Variants in CPLANE1 observed in about 807,000 individuals in gnomAD.
The protein encoded by CPLANE1 is ciliogenesis and planar polarity effector 1.
A neutral mutation model predicts 362.5 loss-of-function variants in CPLANE1; 263 were observed. The observed-to-expected ratio is 0.73, with a 90% CI of 0.66 to 0.80. CPLANE1 has a LOEUF of 0.80. Among genes scored for constraint, CPLANE1 ranks in the 30% least tolerant of loss-of-function variants. The pLI, the probability that CPLANE1 is intolerant of heterozygous loss-of-function variation, is 0.00. For missense variants in CPLANE1, 3,461 were observed against 3,793.4 expected, an observed-to-expected ratio of 0.91 and a Z score of 2.30; for synonymous variants, 1,212 against 1,302.6, an observed-to-expected ratio of 0.93 and a Z score of 1.50.
chr5:37,092,958 T>G, the CPLANE1 span, among the ~76,000 whole-genome samples: 1 of 152,286 alleles, frequency 6.6e-6, no homozygotes, highest in East Asian at 1.9e-4. Context: ...TTACAATATA[T>G]CTGATCTAAA....
the CPLANE1 span, among the ~76,000 whole-genome samples, chr5:37,081,922 C>T: frequency 1.3e-5 from 2 of 151,976 alleles, no homozygotes; most frequent in African/African-American, 2.4e-5. Flanking sequence ...AGGTGGATCA[C>T]CTGAGGTCTG....
intron 44 of CPLANE1, 50 bp from the exon 45 acceptor site, chr5:37,139,420 CAATT>C (rs1236284665): frequency 2.7e-6 from 3 of 1,114,160 alleles, no homozygotes; most frequent in Non-Finnish European, 3.7e-6. Flanking sequence ...TTTTTGCTTT[CAATT>C]GTTAATCTAA....
intron 42 of CPLANE1, among the ~76,000 whole-genome samples, chr5:37,151,627 T>C (rs1773590589): frequency 6.6e-6 from 1 of 152,228 alleles, no homozygotes; most frequent in South Asian, 2.1e-4. Context: ...TATCTGGCTG[T>C]AGATAATGAC....
At chr5:37,222,694 C>T (rs140639224) in intron 14 of CPLANE1, among the ~76,000 whole-genome samples, 1 of 152,334 alleles carries the variant, frequency 6.6e-6, no homozygotes, top group Non-Finnish European at 1.5e-5. Context: ...CTGCTCTTTT[C>T]ATCCAGATGG....
chr5:37,105,462 G>T (rs563387931), downstream of CPLANE1, among the ~76,000 whole-genome samples: 4 of 152,296 alleles, frequency 2.6e-5, no homozygotes, highest in Admixed American at 1.3e-4. Flanking sequence ...AAGAAAACTA[G>T]ATGTCTATTG....
chr5:37,149,424 C>T (rs1405353460), intron 42 of CPLANE1, among the ~76,000 whole-genome samples: 1 of 152,108 alleles, frequency 6.6e-6, no homozygotes, highest in Non-Finnish European at 1.5e-5. Flanking sequence ...ACGTATTGTT[C>T]AGGAATGACA....
At chr5:37,188,930 G>T (rs1205646610) in intron 21 of CPLANE1, among the ~76,000 whole-genome samples, 1 of 151,930 alleles carries the variant, frequency 6.6e-6, no homozygotes, top group East Asian at 1.9e-4. Flanking sequence ...TGCGATCTTG[G>T]CCTCCACCTC....
rs558442221 is a variant in CPLANE1, at chr5:37,185,394, T to C, written c.4190-315A>G. Among the ~76,000 whole-genome samples, 5 of 152,198 alleles carry C rather than the reference T, an allele frequency of 3.3e-5. No individual in the cohort carries two copies. In the East Asian group the frequency reaches 7.7e-4, roughly 23 times the overall value. On this transcript the variant is annotated intron_variant, in intron 24 of 52. Coordinates refer to ENST00000651892, the MANE Select transcript of CPLANE1 (RefSeq NM_001384732.1). ...GTTTTAAAACTCAGAAGGATAATTATATTTAATAAAAAGAATAATGAATGT... is the reference window on the plus strand; with the variant it reads ...GTTTTAAAACTCAGAAGGATAATTACATTTAATAAAAAGAATAATGAATGT...
the CPLANE1 span, chr5:37,085,317 G>A: frequency 8.2e-7 from 1 of 1,217,328 alleles, no homozygotes; most frequent in South Asian, 1.2e-5. Flanking sequence ...ATTCATGGAT[G>A]TCATCAGCAT....
At chr5:37,087,566 C>G in the CPLANE1 span, among the ~76,000 whole-genome samples, 8 of 152,222 alleles carry the variant, frequency 5.3e-5, no homozygotes, top group African/African-American at 1.9e-4. Flanking sequence ...AAACCATTCT[C>G]CTGCCTCAGC....
intron 44 of CPLANE1, chr5:37,139,927 C>T: frequency 1.0e-6 from 1 of 985,290 alleles, no homozygotes; most frequent in Non-Finnish European, 1.2e-6. Context: ...TTGCTTAGTA[C>T]ACAGTTTAGA....
At chr5:37,199,805 C>A (rs941404508) in intron 19 of CPLANE1, among the ~76,000 whole-genome samples, 1 of 152,178 alleles carries the variant, frequency 6.6e-6, no homozygotes, top group African/African-American at 2.4e-5. Context: ...GCTCATCCCA[C>A]CTCAAGGAAG....
Position 37,170,219 on chromosome 5 carries a change from C to A in CPLANE1, c.6284G>T (p.Ser2095Ile), listed in dbSNP as rs1779393325. The change falls in exon 33 of 53, where the codon AGC (serine) becomes ATC (isoleucine). Residue 2095 changes from serine to isoleucine, a missense_variant. This residue lies in a region of CPLANE1 where 3,380 missense variants were observed against 3,666.1 expected (regional missense o/e 0.92). Transcript: ENST00000651892. ...ACATCCTCTTAGGTTTGATTCTTGGCTTTCCCCTAAATGCACAGACTGAGA... is the reference window on the plus strand; with the variant it reads ...ACATCCTCTTAGGTTTGATTCTTGGATTTCCCCTAAATGCACAGACTGAGA... ...QQSQSVHLGESQESNLRGCGD... is the reference protein window; with the variant it reads ...QQSQSVHLGEIQESNLRGCGD... 1.2e-6 allele frequency: 2 copies of A among 1,614,042 alleles called. No homozygotes were observed. Among genetic ancestry groups the A allele is most frequent in the African/African-American group, 1.3e-5 (1 of 74,914 alleles).
At chr5:37,235,958 C>T (rs576046246) in intron 8 of CPLANE1, among the ~76,000 whole-genome samples, 6 of 151,558 alleles carry the variant, frequency 4.0e-5, no homozygotes, top group Admixed American at 1.3e-4. Context: ...CAACCTCCAC[C>T]GCCAGGGTTC....
At chr5:37,077,146 C>T in the CPLANE1 span, among the ~76,000 whole-genome samples, 4 of 151,944 alleles carry the variant, frequency 2.6e-5, no homozygotes, top group Non-Finnish European at 5.9e-5. Flanking sequence ...GAAGTTGGAC[C>T]CTTGCTTGGG....
chr5:37,178,434 C>CA (rs1323950499), intron 29 of CPLANE1, among the ~76,000 whole-genome samples: 3 of 150,304 alleles, frequency 2.0e-5, no homozygotes, highest in Admixed American at 6.6e-5. Flanking sequence ...CCAGTCTCTA[C>CA]AAAAAAATGT....
intron 29 of CPLANE1, among the ~76,000 whole-genome samples, chr5:37,177,991 TATTC>T (rs1437887003): frequency 6.6e-6 from 1 of 152,206 alleles, no homozygotes; most frequent in African/African-American, 2.4e-5. Context: ...ACTATATGAT[TATTC>T]ATTTCCCTGT....
At chr5:37,244,301 C>T (rs1738746352) in intron 5 of CPLANE1, 74 bp downstream of exon 5, 3 of 838,024 alleles carry the variant, frequency 3.6e-6, no homozygotes, top group Non-Finnish European at 5.1e-6. Context: ...TTTATGGTGA[C>T]TAAAGATATA....
chr5:37,198,665 T>C (rs1350560233), intron 20 of CPLANE1, 37 bp downstream of exon 20: 1 of 1,576,400 alleles, frequency 6.3e-7, no homozygotes, highest in East Asian at 2.2e-5. Flanking sequence ...GTAATTTCAG[T>C]TAACACAGCA....
Sources: gnomAD v4.1 joint callset for allele counts (sites outside exome capture counted in the v4.1 genomes callset) on GRCh38, gnomAD v4.1.1 for gene constraint, gnomAD v4.1.1 regional missense constraint, MANE v1.5 for transcripts, NCBI Gene and HGNC (gene_info 2026-07-23, HGNC 2026-07-21) for gene names.